Variants in CACNA2D1 observed in about 807,000 individuals in gnomAD.
CACNA2D1 encodes voltage-dependent calcium channel subunit alpha-2/delta-1.
A neutral mutation model predicts 171.5 loss-of-function variants in CACNA2D1; 53 were observed. That is an observed-to-expected ratio of 0.31 (90% CI 0.25 to 0.39). CACNA2D1 has a LOEUF of 0.39. Ranked by LOEUF, CACNA2D1 falls within the 10% of genes least tolerant of loss-of-function variation. The pLI, the probability that CACNA2D1 is intolerant of heterozygous loss-of-function variation, is 1.00. For synonymous variants in CACNA2D1, 442 were observed against 443.1 expected, an observed-to-expected ratio of 1.00 and a Z score of 0.03; for missense variants, 903 against 1,299.8, an observed-to-expected ratio of 0.69 and a Z score of 4.69.
intron 24 of CACNA2D1, among the ~76,000 whole-genome samples, chr7:81,980,217 A>G (rs1358084563): frequency 2.7e-5 from 4 of 148,986 alleles, no homozygotes; most frequent in African/African-American, 7.4e-5. Flanking sequence ...GCATTTAGGA[A>G]CTGAAAGACG....
At chr7:82,139,309 G>C (rs1184257958) in intron 4 of CACNA2D1, among the ~76,000 whole-genome samples, 1 of 152,124 alleles carries the variant, frequency 6.6e-6, no homozygotes, top group Non-Finnish European at 1.5e-5. Flanking sequence ...AGTGTCAGAA[G>C]GGTTACAAGT....
chr7:82,003,170 T>C (rs1584365061), intron 18 of CACNA2D1, among the ~76,000 whole-genome samples: 1 of 152,102 alleles, frequency 6.6e-6, no homozygotes, highest in Admixed American at 6.6e-5. Flanking sequence ...TTTACTGAAT[T>C]AATGATGAGA....
Position 82,443,341 on chromosome 7 carries a change from TCCCTG to T in CACNA2D1, c.95+19_95+23del. On this transcript the variant is annotated intron_variant, in intron 1 of 38. Transcript: ENST00000356860. ...TCCCGCGGCGCCCCTCGGCCGGCGC[TCCCTG>T]CCCGGCCCGCCGACTTACGTGACGG... 6.3e-7 allele frequency: 1 copy of T among 1,581,038 alleles called. No individual in the cohort carries two copies. Among genetic ancestry groups the T allele is most frequent in the South Asian group, 1.1e-5 (1 of 87,504 alleles).
intron 3 of CACNA2D1, among the ~76,000 whole-genome samples, chr7:82,172,005 T>G (rs1240878439): frequency 6.6e-6 from 1 of 152,050 alleles, no homozygotes; most frequent in Non-Finnish European, 1.5e-5. Context: ...TATTCATTTT[T>G]CTAAGCTGTT....
chr7:82,228,577 T>C (rs929351), intron 3 of CACNA2D1, among the ~76,000 whole-genome samples: 2 of 152,052 alleles, frequency 1.3e-5, no homozygotes, highest in African/African-American at 4.8e-5. Context: ...AGGAATTGTA[T>C]GCCTGTGATT....
intron 3 of CACNA2D1, among the ~76,000 whole-genome samples, chr7:82,194,515 T>G (rs1362785445): frequency 6.6e-6 from 1 of 152,082 alleles, no homozygotes; most frequent in South Asian, 2.1e-4. Flanking sequence ...CACTTTTCTT[T>G]ATATCTTCAC....
At chr7:82,202,143 G>A (rs1799508842) in intron 3 of CACNA2D1, among the ~76,000 whole-genome samples, 1 of 152,194 alleles carries the variant, frequency 6.6e-6, no homozygotes, top group Non-Finnish European at 1.5e-5. Flanking sequence ...GTTCGTACTT[G>A]GCTTGGAGCC....
intron 4 of CACNA2D1, among the ~76,000 whole-genome samples, chr7:82,154,574 T>A (rs1375099369): frequency 6.6e-6 from 1 of 152,056 alleles, no homozygotes; most frequent in Non-Finnish European, 1.5e-5. Context: ...ACGCATTCTT[T>A]ACATGTATCC....
intron 36 of CACNA2D1, among the ~76,000 whole-genome samples, chr7:81,960,687 G>C (rs1793997476): frequency 6.6e-6 from 1 of 151,160 alleles, no homozygotes; most frequent in Non-Finnish European, 1.5e-5. Context: ...TAACATCTTG[G>C]TTATACTGAC....
intron 11 of CACNA2D1, among the ~76,000 whole-genome samples, chr7:82,035,928 C>T (rs1235171730): frequency 1.3e-5 from 2 of 152,238 alleles, no homozygotes; most frequent in South Asian, 2.1e-4. Context: ...ATATGCATCT[C>T]ACCACACATT....
chr7:82,185,543 GGGA>G (rs1797641555), intron 3 of CACNA2D1, among the ~76,000 whole-genome samples: 4 of 41,418 alleles, frequency 9.7e-5, no homozygotes, highest in South Asian at 1.7e-3. Context: ...GGGGAGGAAG[GGGA>G]GGGGGAGGAG....
intron 9 of CACNA2D1, among the ~76,000 whole-genome samples, chr7:82,063,894 C>T (rs963170991): frequency 5.3e-5 from 8 of 150,430 alleles, no homozygotes; most frequent in African/African-American, 1.7e-4. Flanking sequence ...GACATTGTCT[C>T]TTCACCCAGG....
At chr7:81,982,961 C>T (rs1442624850) in intron 23 of CACNA2D1, among the ~76,000 whole-genome samples, 1 of 151,772 alleles carries the variant, frequency 6.6e-6, no homozygotes, top group Admixed American at 6.6e-5. Flanking sequence ...TTTTAAAGAC[C>T]AATTATTTAT....
chr7:82,001,787 A>G (rs1798631879), intron 18 of CACNA2D1: 1 of 487,140 alleles, frequency 2.1e-6, no homozygotes, highest in Non-Finnish European at 3.4e-6. Context: ...CCTATAATCA[A>G]TTTTCGTCAG....
At chr7:82,430,128 T>C (rs902626011) in intron 1 of CACNA2D1, among the ~76,000 whole-genome samples, 94 of 142,886 alleles carry the variant, frequency 6.6e-4, no homozygotes, top group Non-Finnish European at 3.0e-4. Context: ...AAAAAGGCCA[T>C]GTTGGCTGGG....
intron 4 of CACNA2D1, among the ~76,000 whole-genome samples, chr7:82,158,190 T>C (rs1438905726): frequency 6.6e-6 from 1 of 151,748 alleles, no homozygotes; most frequent in Non-Finnish European, 1.5e-5. Context: ...ACTATATATA[T>C]AATGTTTATA....
intron 10 of CACNA2D1, among the ~76,000 whole-genome samples, chr7:82,057,810 G>C (rs997423246): frequency 1.3e-4 from 20 of 152,246 alleles, no homozygotes; most frequent in African/African-American, 4.8e-4. Context: ...ACCAGCACAG[G>C]AGTTGGCCAA....
At chr7:82,055,175 C>CT (rs915354985) in intron 10 of CACNA2D1, among the ~76,000 whole-genome samples, 20 of 152,296 alleles carry the variant, frequency 1.3e-4, no homozygotes, top group Non-Finnish European at 2.8e-4. Flanking sequence ...GAGAAGCACC[C>CT]TTTGTACTAG....
At chr7:82,180,107 A>ACCT (rs1358193272) in intron 3 of CACNA2D1, among the ~76,000 whole-genome samples, 2 of 152,286 alleles carry the variant, frequency 1.3e-5, no homozygotes, top group African/African-American at 4.8e-5. Flanking sequence ...TGTCACATGA[A>ACCT]CAGAGGCAAA....
Sources: allele counts gnomAD v4.1 joint callset (sites outside exome capture counted in the v4.1 genomes callset), GRCh38; gene constraint gnomAD v4.1.1; transcripts MANE v1.5; gene names NCBI Gene and HGNC (gene_info 2026-07-23, HGNC 2026-07-21).